Variants in ST3GAL6 observed in about 807,000 individuals in gnomAD.
ST3GAL6 encodes the protein ST3 beta-galactoside alpha-2,3-sialyltransferase 6.
In ST3GAL6, 31 loss-of-function variants were observed where a neutral mutation model predicts 40.5. The ratio of observed to expected loss-of-function variants is 0.77; its 90% CI spans 0.58 to 1.03. ST3GAL6 has a LOEUF of 1.03. ST3GAL6 is among the 50% of genes least tolerant of loss of function. The pLI is 0.00. For missense variants in ST3GAL6, 357 were observed against 393.2 expected (o/e 0.91, Z 0.78); for synonymous variants, 129 against 136.9 (o/e 0.94, Z 0.40).
upstream of ST3GAL6, among the ~76,000 whole-genome samples, chr3:98,759,259 A>T (rs910082225): frequency 1.3e-5 from 2 of 152,186 alleles, no homozygotes; most frequent in Non-Finnish European, 2.9e-5. Context: ...AGGAAACAGG[A>T]TTAAGATAAC....
At chr3:98,769,417 C>CT (rs1410612922) in intron 2 of ST3GAL6, among the ~76,000 whole-genome samples, 1 of 152,228 alleles carries the variant, frequency 6.6e-6, no homozygotes, top group African/African-American at 2.4e-5. Flanking sequence ...ATTTTGAAGT[C>CT]TGATTATGTA....
intron 1 of ST3GAL6, among the ~76,000 whole-genome samples, chr3:98,755,852 C>T (rs1044941099): frequency 1.3e-5 from 2 of 151,080 alleles, no homozygotes; most frequent in African/African-American, 4.9e-5. Context: ...CATTTTTAAA[C>T]TAGTTGTTCT....
At chr3:98,742,380 C>A (rs72930990) in intron 1 of ST3GAL6, among the ~76,000 whole-genome samples, 133 of 152,174 alleles carry the variant, frequency 8.7e-4, no homozygotes, top group African/African-American at 3.2e-3. Context: ...CCCAAAACAC[C>A]CTAACCGCAA....
intron 1 of ST3GAL6, 106 bp from the exon 2 acceptor site, chr3:98,768,324 T>C: frequency 1.2e-6 from 1 of 820,784 alleles, no homozygotes; most frequent in Non-Finnish European, 2.1e-6. Context: ...TTTTCTATAG[T>C]TCCTTTTGTA....
At chr3:98,746,432 G>T (rs1936557680) in intron 1 of ST3GAL6, among the ~76,000 whole-genome samples, 1 of 152,028 alleles carries the variant, frequency 6.6e-6, no homozygotes, top group Non-Finnish European at 1.5e-5. Context: ...CCTTCTTGGG[G>T]ATTGCGTACA....
intron 1 of ST3GAL6, among the ~76,000 whole-genome samples, chr3:98,755,250 G>A (rs1559730062): frequency 6.6e-6 from 1 of 151,948 alleles, no homozygotes; most frequent in African/African-American, 2.4e-5. Flanking sequence ...GTTTCACCAT[G>A]TTAGCCAGGA....
chr3:98,790,875 T>G (rs1211700591), intron 8 of ST3GAL6, among the ~76,000 whole-genome samples: 2 of 152,152 alleles, frequency 1.3e-5, no homozygotes, highest in African/African-American at 4.8e-5. Flanking sequence ...TCAATGAGGC[T>G]GAATGACTCC....
At chr3:98,741,393 T>G (rs912300196) in intron 1 of ST3GAL6, among the ~76,000 whole-genome samples, 1 of 151,940 alleles carries the variant, frequency 6.6e-6, no homozygotes, top group Non-Finnish European at 1.5e-5. Context: ...CCAATTTATA[T>G]TGGGGAGTGG....
At chr3:98,754,372 T>G (rs1576054781) in intron 1 of ST3GAL6, among the ~76,000 whole-genome samples, 1 of 152,218 alleles carries the variant, frequency 6.6e-6, no homozygotes, top group South Asian at 2.1e-4. Flanking sequence ...CAGTAGAGCC[T>G]GAAGAAGTGA....
At chr3:98,750,706 C>T (rs76866228) in intron 1 of ST3GAL6, among the ~76,000 whole-genome samples, 7,808 of 152,222 alleles carry the variant, frequency 0.051, 330 homozygotes, top group Non-Finnish European at 0.073. Context: ...AAGCACTGCT[C>T]TGCCCACTCC....
At chr3:98,762,684 G>T (rs190788904), upstream of ST3GAL6, 36 of 602,444 alleles carry the variant, frequency 6.0e-5, no homozygotes, top group South Asian at 2.2e-4. Context: ...ATTTTTAAAA[G>T]ATATTATTAA....
intron 1 of ST3GAL6, among the ~76,000 whole-genome samples, chr3:98,742,171 C>T (rs1936148976): frequency 6.6e-6 from 1 of 152,138 alleles, no homozygotes; most frequent in African/African-American, 2.4e-5. Flanking sequence ...GTTTTGACTT[C>T]CTTCCCCTCT....
At chr3:98,736,265 C>T (rs1935536775) in intron 1 of ST3GAL6, among the ~76,000 whole-genome samples, 1 of 152,228 alleles carries the variant, frequency 6.6e-6, no homozygotes, top group Non-Finnish European at 1.5e-5. Context: ...CTCCCCCATT[C>T]TCTCTTTCCC....
intron 1 of ST3GAL6, among the ~76,000 whole-genome samples, chr3:98,743,084 C>G (rs1233243425): frequency 6.8e-6 from 1 of 146,570 alleles, no homozygotes; most frequent in Non-Finnish European, 1.5e-5. Context: ...TCTTGGCTCA[C>G]TGCAACCTCT....
intron 1 of ST3GAL6, among the ~76,000 whole-genome samples, chr3:98,752,974 C>T (rs545712779): frequency 1.3e-5 from 2 of 152,272 alleles, no homozygotes; most frequent in East Asian, 1.9e-4. Context: ...TAATAATCCT[C>T]CAATAGCCTC....
At chr3:98,753,914 T>C (rs1379762911) in intron 1 of ST3GAL6, among the ~76,000 whole-genome samples, 2 of 152,244 alleles carry the variant, frequency 1.3e-5, no homozygotes, top group South Asian at 2.1e-4. Flanking sequence ...AAGATTGTTT[T>C]CAAAATATTA....
At chr3:98,787,324 G>T (rs1940821960) in intron 6 of ST3GAL6, among the ~76,000 whole-genome samples, 1 of 152,176 alleles carries the variant, frequency 6.6e-6, no homozygotes, top group African/African-American at 2.4e-5. Context: ...ATTACGTAGA[G>T]TCAGTAGCAA....
intron 8 of ST3GAL6, among the ~76,000 whole-genome samples, chr3:98,789,440 A>T (rs1361282663): frequency 6.6e-6 from 1 of 152,144 alleles, no homozygotes; most frequent in Admixed American, 6.5e-5. Context: ...ATAAACACAT[A>T]ATCTTTTTGT....
chr3:98,781,486 A>AT (rs1457159480), intron 5 of ST3GAL6, among the ~76,000 whole-genome samples: 2 of 151,906 alleles, frequency 1.3e-5, no homozygotes, highest in Admixed American at 1.3e-4. Context: ...AAAAAAAAAA[A>AT]AAATAGACTG....
Sources: gnomAD v4.1 joint callset for allele counts (sites outside exome capture counted in the v4.1 genomes callset) on GRCh38, gnomAD v4.1.1 for gene constraint, MANE v1.5 for transcripts, NCBI Gene and HGNC (gene_info 2026-07-23, HGNC 2026-07-21) for gene names.